KIAA0232: variants seen among roughly 807,000 people sequenced by gnomAD.
The protein encoded by KIAA0232 is KIAA0232.
A neutral mutation model predicts 122.0 loss-of-function variants in KIAA0232; 27 were observed. The ratio of observed to expected loss-of-function variants is 0.22; its 90% CI spans 0.16 to 0.31. The LOEUF (loss-of-function observed/expected upper bound fraction) is 0.31. Ranked by LOEUF, KIAA0232 falls within the 10% of genes least tolerant of loss-of-function variation. KIAA0232 has a pLI of 1.00. For missense variants in KIAA0232, 1,551 were observed against 1,634.2 expected, an observed-to-expected ratio of 0.95 and a Z score of 0.88; for synonymous variants, 613 against 587.6, an observed-to-expected ratio of 1.04 and a Z score of -0.63.
rs186125316 is a variant in KIAA0232 at position 6,786,582 on chromosome 4, A to G, written c.-354+3741A>G. ...CTCAACCTCCCAAAGTGCTGGGATT[A>G]CAAGCATGAGCCACCGCACAAGACC... On this transcript the variant is annotated intron_variant, in intron 1 of 9. Coordinates refer to ENST00000307659, the MANE Select transcript of KIAA0232 (RefSeq NM_014743.3). Among the ~76,000 whole-genome samples the G allele has an allele frequency of 6.0e-3, 921 of 152,346 alleles. 14 individuals carry two copies. The highest frequency in any genetic ancestry group is 0.021 in the African/African-American group (868 of 41,582).
intron 1 of KIAA0232, among the ~76,000 whole-genome samples, chr4:6,793,925 G>A (rs889652476): frequency 3.3e-5 from 5 of 152,264 alleles, no homozygotes; most frequent in South Asian, 2.1e-4. Flanking sequence ...CCAGACTTCC[G>A]TCCTTCCAAC....
rs1280496414 is a variant in KIAA0232, at chr4:6,812,692, T to C, written c.-270+8086T>C. On this transcript the variant is annotated intron_variant, in intron 2 of 9. Coordinates refer to ENST00000307659, the MANE Select transcript of KIAA0232 (RefSeq NM_014743.3). ...AGAAAGAAGTGCTGTGGTACTAATA[T>C]ATATCGGCAAGTGAATATATCGGTT... Among the ~76,000 whole-genome samples, 3 of 152,278 alleles carry C rather than the reference T, an allele frequency of 2.0e-5. No individual in the cohort carries two copies. In the East Asian group the frequency reaches 5.8e-4, roughly 29 times the overall value.
chr4:6,811,106 C>T (rs1267815189), intron 2 of KIAA0232, among the ~76,000 whole-genome samples: 1 of 152,136 alleles, frequency 6.6e-6, no homozygotes, highest in Admixed American at 6.6e-5. Flanking sequence ...TGAGTATCTA[C>T]TTTGGGTAGA....
intron 1 of KIAA0232, among the ~76,000 whole-genome samples, chr4:6,785,706 G>A (rs1716592725): frequency 1.3e-5 from 2 of 152,210 alleles, no homozygotes; most frequent in Admixed American, 1.3e-4. Context: ...CTCTGGCTCA[G>A]TAGGCTTCTA....
At chr4:6,838,805 T>C (rs1719489007) in intron 3 of KIAA0232, among the ~76,000 whole-genome samples, 1 of 151,658 alleles carries the variant, frequency 6.6e-6, no homozygotes, top group African/African-American at 2.4e-5. Context: ...AATACATGTT[T>C]TTGGTAGTTT....
chr4:6,788,355 C>T (rs187604326), intron 1 of KIAA0232, among the ~76,000 whole-genome samples: 3 of 152,338 alleles, frequency 2.0e-5, no homozygotes, highest in Admixed American at 2.0e-4. Context: ...CAACACAAGA[C>T]CTCTGGCCAC....
intron 4 of KIAA0232, among the ~76,000 whole-genome samples, chr4:6,844,295 G>A (rs1719838071): frequency 6.6e-6 from 1 of 151,852 alleles, no homozygotes; most frequent in African/African-American, 2.4e-5. Context: ...CTTATCACAT[G>A]AAAGGTACTG....
chr4:6,871,195 G>A (rs540314031), intron 7 of KIAA0232, among the ~76,000 whole-genome samples: 188 of 152,318 alleles, frequency 1.2e-3, no homozygotes, highest in Non-Finnish European at 2.3e-3. Context: ...TACTTTGGGA[G>A]GCCAAGCTTG....
intron 3 of KIAA0232, among the ~76,000 whole-genome samples, chr4:6,835,667 G>C (rs181039517): frequency 1.0e-3 from 156 of 152,174 alleles, no homozygotes; most frequent in African/African-American, 3.4e-3. Context: ...CCCTCCCTGT[G>C]TCCATGTGTT....
chr4:6,784,468 G>C (rs1452241516), intron 1 of KIAA0232, among the ~76,000 whole-genome samples: 1 of 152,086 alleles, frequency 6.6e-6, no homozygotes, highest in Non-Finnish European at 1.5e-5. Context: ...CTATCACTCT[G>C]CATCCTCAAG....
intron 3 of KIAA0232, among the ~76,000 whole-genome samples, chr4:6,838,727 CTTTTTTTTTT>C (rs749354748): frequency 9.2e-6 from 1 of 108,250 alleles, no homozygotes; most frequent in East Asian, 2.6e-4. Flanking sequence ...TTCAAAGCAG[CTTTTTTTTTT>C]TTTTTTTTTT....
chr4:6,852,418 C>T (rs1720339928), intron 4 of KIAA0232, among the ~76,000 whole-genome samples: 1 of 152,102 alleles, frequency 6.6e-6, no homozygotes, highest in South Asian at 2.1e-4. Flanking sequence ...TTAAAACTTC[C>T]AGTCATTAAA....
At chr4:6,798,444 G>T (rs900455726) in intron 1 of KIAA0232, among the ~76,000 whole-genome samples, 1 of 152,182 alleles carries the variant, frequency 6.6e-6, no homozygotes, top group Non-Finnish European at 1.5e-5. Flanking sequence ...TGTAGCATTG[G>T]CTACTACTAC....
rs778329271 is a variant in KIAA0232, at chr4:6,863,791, A to T, written c.3409A>T (p.Ile1137Phe). The T allele has an allele frequency of 1.2e-6, 2 of 1,614,220 alleles. No individual in the cohort carries two copies. The highest frequency in any genetic ancestry group is 1.7e-5 in the Admixed American group (1 of 60,028). The change falls in exon 7 of 10, where the codon ATT becomes TTT. Residue 1137 changes from isoleucine to phenylalanine, a missense_variant. By Grantham distance (21) the Ile-to-Phe change is conservative (BLOSUM62 0). Around this residue, in one of 5 missense-constraint regions of KIAA0232, gnomAD observed 1,108 missense variants for 1,154.8 expected, o/e 0.96. Transcript: ENST00000307659. ...TGAGAAAGATGAAGCAAATATTCCC[A>T]TTCCTTCTCAAGTTGATATATTTGA... ...ESEKDEANIPIPSQVDIFEDP... is the reference protein window; with the variant it reads ...ESEKDEANIPFPSQVDIFEDP...
intron 2 of KIAA0232, among the ~76,000 whole-genome samples, chr4:6,812,929 C>G (rs796814552): frequency 6.6e-6 from 1 of 152,110 alleles, no homozygotes; most frequent in Non-Finnish European, 1.5e-5. Context: ...GTTGTAATCA[C>G]ACCTAAAATT....
chr4:6,814,667 C>T lies in KIAA0232; in HGVS notation c.-269-9518C>T, dbSNP rs79765822. 4.7e-3 allele frequency among the ~76,000 whole-genome samples: 714 copies of T among 152,156 alleles called. 6 individuals are homozygous for T. Among genetic ancestry groups the T allele is most frequent in the African/African-American group, 0.015 (635 of 41,536 alleles). On this transcript the variant is annotated intron_variant, in intron 2 of 9. Transcript: ENST00000307659. ...AGTCAGTATACATTATTCTGTTTTA[C>T]AGATGAGAAAACAATGACCCTGGGA...
chr4:6,817,896 C>G (rs577096298), intron 2 of KIAA0232, among the ~76,000 whole-genome samples: 1 of 152,200 alleles, frequency 6.6e-6, no homozygotes, highest in South Asian at 2.1e-4. Context: ...TTTGATACAT[C>G]TATCCCTTTA....
chr4:6,855,078 ATTTTTTATTT>A lies in KIAA0232; in HGVS notation c.370-2071_370-2062del, dbSNP rs1366905788. 3.0e-4 allele frequency among the ~76,000 whole-genome samples: 45 copies of A among 151,126 alleles called. No homozygotes were observed. The highest frequency in any genetic ancestry group is 8.6e-4 in the Admixed American group (13 of 15,178). On this transcript the variant is annotated intron_variant, in intron 4 of 9. Transcript: ENST00000307659. The surrounding 1 kb of genome is among the most constrained non-coding windows in gnomAD (Gnocchi z 4.3). ...GGGTTCTCATGATTTTTTATTTTTTATTTTTTATTTTTTTTTATTTTTTTGAGACCGAGTC... is the reference window on the plus strand; with the variant it reads ...GGGTTCTCATGATTTTTTATTTTTTATTTTTTATTTTTTTGAGACCGAGTC...
chr4:6,792,267 A>T (rs1036130402), intron 1 of KIAA0232, among the ~76,000 whole-genome samples: 2 of 152,152 alleles, frequency 1.3e-5, no homozygotes, highest in African/African-American at 2.4e-5. Flanking sequence ...AATTTATTTA[A>T]CTAGTTGATA....
Sources: gnomAD v4.1 joint callset for allele counts (sites outside exome capture counted in the v4.1 genomes callset) on GRCh38, gnomAD v4.1.1 for gene constraint, gnomAD v4.1.1 regional missense constraint, Gnocchi (gnomAD v3.1) non-coding constraint, MANE v1.5 for transcripts, NCBI Gene and HGNC (gene_info 2026-07-23, HGNC 2026-07-21) for gene names.